The following EHBP1 variants were observed in gnomAD, a reference collection of about 807,000 sequenced individuals.
The protein encoded by EHBP1 is EH domain-binding protein 1.
Under a neutral mutation model 144.0 loss-of-function variants are expected in EHBP1, and 55 were observed. The observed-to-expected ratio is 0.38, with a 90% CI of 0.31 to 0.48. The LOEUF (loss-of-function observed/expected upper bound fraction) is 0.48, where lower values mean the gene tolerates loss of function less well. EHBP1 is among the 20% of genes least tolerant of loss of function. The probability of loss-of-function intolerance (pLI) is 0.98; values close to 1 mark genes in which losing one functional copy is unlikely to be tolerated. For synonymous variants in EHBP1, 469 were observed against 472.7 expected (o/e 0.99, Z 0.10); for missense variants, 1,200 against 1,364.2 (o/e 0.88, Z 1.90).
At chr2:63,011,501 A>C (rs184063933) in intron 19 of EHBP1, among the ~76,000 whole-genome samples, 88 of 152,056 alleles carry the variant, frequency 5.8e-4, no homozygotes, top group Admixed American at 5.1e-3. Context: ...TGCTTTAAAG[A>C]TTAGAAAATT....
intron 3 of EHBP1, among the ~76,000 whole-genome samples, chr2:62,759,414 T>G (rs1246680643): frequency 6.6e-6 from 1 of 152,084 alleles, no homozygotes; most frequent in Non-Finnish European, 1.5e-5. Flanking sequence ...GCTTTTTCTT[T>G]TGTTTTTTTG....
At position 62,979,253 on chromosome 2, in the gene EHBP1, A is replaced by G; in HGVS notation, c.2526A>G (p.Arg842=). The G allele has an allele frequency of 6.2e-7, 1 of 1,613,974 alleles. No homozygotes were observed. Among genetic ancestry groups the G allele is most frequent in the Non-Finnish European group, 8.5e-7 (1 of 1,179,930 alleles). Residue 842 remains arginine, a synonymous_variant, in exon 15 of 23, where the codon CGA becomes CGG. Transcript: ENST00000431489. ...CTCGTCAGCTAATAGCAGAAGCTCG[A>G]TCTGGAGTGAAGATGTCAGAACTTC... is the stretch of plus-strand genomic sequence containing the variant. The part of the protein sequence containing the change: ...ERARQLIAEA[R]SGVKMSELPS...
At chr2:62,710,295 T>C (rs925587717) in intron 2 of EHBP1, among the ~76,000 whole-genome samples, 2 of 152,000 alleles carry the variant, frequency 1.3e-5, no homozygotes, top group Non-Finnish European at 2.9e-5. Flanking sequence ...CTCTCTAATA[T>C]ATGACATGAA....
chr2:62,834,219 T>C (rs1205464303), intron 7 of EHBP1, among the ~76,000 whole-genome samples: 2 of 152,218 alleles, frequency 1.3e-5, no homozygotes, highest in Non-Finnish European at 2.9e-5. Context: ...CACATCAACT[T>C]TGATAAAGTA....
intron 1 of EHBP1, among the ~76,000 whole-genome samples, chr2:62,692,817 T>C (rs144625369): frequency 2.6e-5 from 4 of 152,278 alleles, no homozygotes; most frequent in Non-Finnish European, 5.9e-5. Flanking sequence ...AGTCATATAA[T>C]GTGTAATAAT....
intron 14 of EHBP1, among the ~76,000 whole-genome samples, chr2:62,961,021 A>G (rs760086948): frequency 2.6e-5 from 4 of 152,188 alleles, no homozygotes; most frequent in Non-Finnish European, 5.9e-5. Context: ...GAATCACAAC[A>G]CTACAAAACA....
chr2:62,734,975 A>G (rs1302443799), intron 2 of EHBP1, among the ~76,000 whole-genome samples: 1 of 152,148 alleles, frequency 6.6e-6, no homozygotes, highest in Admixed American at 6.5e-5. Flanking sequence ...ATCACGGCAC[A>G]CTGCAGCCTC....
chr2:63,041,684 G>A (rs1306773753), intron 21 of EHBP1, among the ~76,000 whole-genome samples: 2 of 152,172 alleles, frequency 1.3e-5, no homozygotes, highest in Non-Finnish European at 2.9e-5. Flanking sequence ...ATTAGGTACA[G>A]CGGTAGAATC....
chr2:62,803,261 C>T (rs961736652), intron 5 of EHBP1, among the ~76,000 whole-genome samples: 4 of 151,620 alleles, frequency 2.6e-5, no homozygotes, highest in Middle Eastern at 6.8e-3. Context: ...TTTATGCACA[C>T]GTGCATGATA....
intron 13 of EHBP1, among the ~76,000 whole-genome samples, chr2:62,949,452 T>C (rs1008844305): frequency 3.3e-5 from 5 of 152,146 alleles, no homozygotes; most frequent in African/African-American, 9.7e-5. Flanking sequence ...AGGTTTATGA[T>C]ATAATATTTT....
intron 5 of EHBP1, among the ~76,000 whole-genome samples, chr2:62,806,994 C>G (rs1323892302): frequency 6.6e-6 from 1 of 152,166 alleles, no homozygotes; most frequent in African/African-American, 2.4e-5. Flanking sequence ...GCAGAACCCA[C>G]AGATAGGAAA....
intron 10 of EHBP1, among the ~76,000 whole-genome samples, chr2:62,882,824 G>T (rs892531723): frequency 3.3e-5 from 5 of 151,712 alleles, no homozygotes; most frequent in African/African-American, 1.2e-4. Context: ...AGAGTTTGCA[G>T]TGAGCCGAGA....
At chr2:62,797,208 T>A (rs2421738) in intron 5 of EHBP1, among the ~76,000 whole-genome samples, 1 of 152,212 alleles carries the variant, frequency 6.6e-6, no homozygotes, top group Non-Finnish European at 1.5e-5. Context: ...TAGCTATGCA[T>A]GGCTTTTGTG....
At chr2:62,976,254 G>C (rs1390736721) in intron 14 of EHBP1, among the ~76,000 whole-genome samples, 1 of 151,992 alleles carries the variant, frequency 6.6e-6, no homozygotes, top group East Asian at 1.9e-4. Flanking sequence ...GCTCGTCCCT[G>C]GCTCCATTGG....
intron 10 of EHBP1, among the ~76,000 whole-genome samples, chr2:62,892,129 C>T (rs1320162191): frequency 6.6e-6 from 1 of 152,136 alleles, no homozygotes; most frequent in African/African-American, 2.4e-5. Context: ...TCTGCATTTA[C>T]ATCACAATTT....
chr2:62,814,760 C>T (rs2045317334), intron 5 of EHBP1, among the ~76,000 whole-genome samples: 1 of 152,176 alleles, frequency 6.6e-6, no homozygotes, highest in Non-Finnish European at 1.5e-5. Context: ...CACAGGTCCA[C>T]ATCTAGAGAA....
intron 10 of EHBP1, among the ~76,000 whole-genome samples, chr2:62,940,796 C>G (rs555820737): frequency 6.6e-6 from 1 of 152,156 alleles, no homozygotes; most frequent in East Asian, 1.9e-4. Context: ...TAATACAAGG[C>G]TTTTATATTA....
intron 1 of EHBP1, among the ~76,000 whole-genome samples, chr2:62,684,365 A>G (rs1428826608): frequency 6.6e-6 from 1 of 152,208 alleles, no homozygotes; most frequent in Non-Finnish European, 1.5e-5. Context: ...GAGAGATACT[A>G]GAACACTGCT....
intron 3 of EHBP1, among the ~76,000 whole-genome samples, chr2:62,759,995 T>C: frequency 6.6e-6 from 1 of 152,170 alleles, no homozygotes; most frequent in East Asian, 1.9e-4. Flanking sequence ...TCCCTAGGTA[T>C]ATACGGGGGA....
Sources: allele counts gnomAD v4.1 joint callset (sites outside exome capture counted in the v4.1 genomes callset), GRCh38; gene constraint gnomAD v4.1.1; transcripts MANE v1.5; gene names NCBI Gene and HGNC (gene_info 2026-07-23, HGNC 2026-07-21).